Variants in AGBL1 observed in about 807,000 individuals in gnomAD.
The protein encoded by AGBL1 is AGBL carboxypeptidase 1.
A neutral mutation model predicts 118.9 loss-of-function variants in AGBL1; 130 were observed. That is an observed-to-expected ratio of 1.09 (90% confidence interval 0.95 to 1.26). The LOEUF is 1.26. Among genes scored for constraint, AGBL1 ranks in the 50% most tolerant of loss-of-function variants. AGBL1 has a pLI of 0.00. For missense variants in AGBL1, 1,584 were observed against 1,298.1 expected (o/e 1.22, Z -3.38); for synonymous variants, 555 against 478.9 (o/e 1.16, Z -2.08).
intron 23 of AGBL1, among the ~76,000 whole-genome samples, chr15:86,986,970 G>T (rs572736224): frequency 6.6e-6 from 1 of 151,444 alleles, no homozygotes; most frequent in Non-Finnish European, 1.5e-5. Context: ...ACAGTCAAAG[G>T]GGGGAGTTGT....
intron 23 of AGBL1, among the ~76,000 whole-genome samples, chr15:86,925,897 A>C (rs1211960574): frequency 6.6e-6 from 1 of 150,978 alleles, no homozygotes; most frequent in Non-Finnish European, 1.5e-5. Flanking sequence ...TGCCCGGCTA[A>C]TTTTCTGTAT....
intron 22 of AGBL1, among the ~76,000 whole-genome samples, chr15:86,861,247 G>A (rs1215789805): frequency 6.6e-6 from 1 of 152,102 alleles, no homozygotes; most frequent in Non-Finnish European, 1.5e-5. Flanking sequence ...CATACTGTCT[G>A]GGTGCTGTGG....
chr15:86,492,418 C>T (rs563389134), intron 18 of AGBL1, among the ~76,000 whole-genome samples: 1 of 151,832 alleles, frequency 6.6e-6, no homozygotes, highest in African/African-American at 2.4e-5. Context: ...GGTGAAACCT[C>T]ATCCCTACTA....
At chr15:86,983,921 C>T (rs1006167407) in intron 23 of AGBL1, among the ~76,000 whole-genome samples, 2 of 152,206 alleles carry the variant, frequency 1.3e-5, no homozygotes, top group Admixed American at 1.3e-4. Context: ...CAACGGTTTG[C>T]ATACCCACTC....
chr15:86,361,410 G>A (rs544093250), intron 17 of AGBL1, among the ~76,000 whole-genome samples: 2 of 152,178 alleles, frequency 1.3e-5, no homozygotes, highest in East Asian at 1.9e-4. Context: ...TGAGAAGAAA[G>A]TCTTCTATTC....
At chr15:86,159,249 C>G (rs2141708159) in intron 5 of AGBL1, among the ~76,000 whole-genome samples, 1 of 152,240 alleles carries the variant, frequency 6.6e-6, no homozygotes, top group Admixed American at 6.5e-5. Flanking sequence ...TTATTATTCT[C>G]TTTTTCAGAC....
In AGBL1 at chr15:86,417,412, G is replaced by A. The variant is rs566651094; in HGVS notation, c.2555+19866G>A. Among the ~76,000 whole-genome samples, 69 of 152,196 alleles carry A rather than the reference G, an allele frequency of 4.5e-4. 1 individual carries two copies. The highest frequency in any genetic ancestry group is 3.7e-3 in the Admixed American group (56 of 15,274). On this transcript the variant is annotated intron_variant, in intron 18 of 22. Transcript: ENST00000614907. Reference sequence around the variant, plus strand: ...TATTTTTGGATCTCTCCATCATTCCGATTGTTATCTGAATTACCTCACTCA... The same window carrying A: ...TATTTTTGGATCTCTCCATCATTCCAATTGTTATCTGAATTACCTCACTCA...
intron 18 of AGBL1, among the ~76,000 whole-genome samples, chr15:86,455,316 G>C (rs912362561): frequency 6.6e-6 from 1 of 152,112 alleles, no homozygotes; most frequent in Non-Finnish European, 1.5e-5. Context: ...CCATTTTATA[G>C]ATAAATAAGC....
intron 6 of AGBL1, among the ~76,000 whole-genome samples, chr15:86,241,259 A>G (rs2078637382): frequency 6.6e-6 from 1 of 152,182 alleles, no homozygotes; most frequent in South Asian, 2.1e-4. Flanking sequence ...CTCATTGGTG[A>G]AGGGTATGTG....
intron 22 of AGBL1, among the ~76,000 whole-genome samples, chr15:86,867,479 GT>G (rs980886614): frequency 2.0e-5 from 3 of 152,170 alleles, no homozygotes; most frequent in East Asian, 3.9e-4. Flanking sequence ...GAAAACAACA[GT>G]TTTTTTAAAA....
chr15:86,572,901 T>A (rs17681547), intron 21 of AGBL1, among the ~76,000 whole-genome samples: 2 of 152,314 alleles, frequency 1.3e-5, no homozygotes, highest in Non-Finnish European at 2.9e-5. Context: ...ACGGTTCAAG[T>A]CTTCAACATT....
chr15:86,280,582 T>C (rs550336233), intron 16 of AGBL1, among the ~76,000 whole-genome samples: 67 of 152,348 alleles, frequency 4.4e-4, no homozygotes, highest in African/African-American at 1.6e-3. Flanking sequence ...AGCACTTTCA[T>C]CCTCTATGTT....
chr15:87,016,794 T>C (rs1160756783), intron 24 of AGBL1, among the ~76,000 whole-genome samples: 3 of 152,088 alleles, frequency 2.0e-5, no homozygotes, highest in African/African-American at 7.2e-5. Flanking sequence ...TGATTCCACC[T>C]GGGAAATCAT....
chr15:86,151,331 C>A (rs539335576), intron 3 of AGBL1, among the ~76,000 whole-genome samples: 1 of 149,852 alleles, frequency 6.7e-6, no homozygotes, highest in Non-Finnish European at 1.5e-5. Flanking sequence ...TTATCCACCA[C>A]AATCAAGTCA....
intron 1 of AGBL1, among the ~76,000 whole-genome samples, chr15:86,102,281 C>T (rs1467307730): frequency 6.6e-6 from 1 of 152,026 alleles, no homozygotes; most frequent in Non-Finnish European, 1.5e-5. Context: ...CCTCAAGTGA[C>T]CCGCTCACCT....
intron 15 of AGBL1, among the ~76,000 whole-genome samples, chr15:86,273,321 C>T (rs926314782): frequency 6.6e-6 from 1 of 151,978 alleles, no homozygotes; most frequent in Admixed American, 6.6e-5. Context: ...GATTAAAGAG[C>T]AACAGAGGGA....
intron 21 of AGBL1, among the ~76,000 whole-genome samples, chr15:86,571,385 G>A (rs1205167543): frequency 6.6e-6 from 1 of 152,192 alleles, no homozygotes; most frequent in Non-Finnish European, 1.5e-5. Flanking sequence ...AGTGGAGGAT[G>A]AGCAAGATGA....
chr15:86,155,292 T>C (rs2077173010), intron 4 of AGBL1, among the ~76,000 whole-genome samples: 2 of 151,814 alleles, frequency 1.3e-5, no homozygotes, highest in Admixed American at 6.6e-5. Context: ...CTGCTAAAAA[T>C]ACAAAAACTT....
chr15:86,616,860 G>T (rs2084734762), intron 21 of AGBL1, among the ~76,000 whole-genome samples: 1 of 152,128 alleles, frequency 6.6e-6, no homozygotes, highest in Admixed American at 6.5e-5. Context: ...AACTGAAAGG[G>T]CTAGTCCTAT....
Sources: allele counts gnomAD v4.1 joint callset (sites outside exome capture counted in the v4.1 genomes callset), GRCh38; gene constraint gnomAD v4.1.1; transcripts MANE v1.5; gene names NCBI Gene and HGNC (gene_info 2026-07-23, HGNC 2026-07-21).